DNAH6: variants seen among roughly 807,000 people sequenced by gnomAD.
DNAH6 encodes axonemal beta dynein heavy chain 6.
Under a neutral mutation model 491.4 loss-of-function variants are expected in DNAH6, and 340 were observed. The observed-to-expected ratio is 0.69, with a 90% CI of 0.63 to 0.76. The LOEUF is 0.76. Ranked by LOEUF, DNAH6 falls within the 30% of genes least tolerant of loss-of-function variation. DNAH6 has a pLI of 0.00. For missense variants in DNAH6, 4,443 were observed against 4,972.2 expected, an observed-to-expected ratio of 0.89 and a Z score of 3.20; for synonymous variants, 1,603 against 1,686.1, an observed-to-expected ratio of 0.95 and a Z score of 1.21.
rs959291173 is a variant in DNAH6, at chr2:84,718,231, G to A, written c.9639G>A (p.Arg3213=). The A allele has an allele frequency of 3.9e-6, 6 of 1,540,580 alleles. No individual in the cohort carries two copies. The Admixed American group carries it at 8.3e-5, about 21-fold the overall frequency. The stretch of plus-strand genomic sequence containing the variant: ...ATGTGGTGCGACTTGAAAAACCCAG[G>A]TTGGAAGAACAAAGAATTAAGCTCA... ...LSDVVRLEKP[R]LEEQRIKLIV... Residue 3213 remains arginine, a synonymous_variant, in exon 59 of 77, where the codon AGG becomes AGA. Transcript: ENST00000389394.
At chr2:84,664,834 C>T (rs1168635177) in intron 37 of DNAH6, among the ~76,000 whole-genome samples, 1 of 152,220 alleles carries the variant, frequency 6.6e-6, no homozygotes, top group Admixed American at 6.5e-5. Context: ...CCAAAATTGG[C>T]CACATAGGTG....
chr2:84,802,770 T>G (rs1425021812), intron 70 of DNAH6, among the ~76,000 whole-genome samples: 1 of 152,172 alleles, frequency 6.6e-6, no homozygotes, highest in Admixed American at 6.5e-5. Flanking sequence ...TCTTCTCATC[T>G]GCACACAAAA....
In DNAH6 at chr2:84,640,430, G is replaced by A; in HGVS notation, c.4822G>A (p.Val1608Ile). ...MVPNYALIAE[V>I]ILYSEGFESS... ...CATTGCATTATTTTTTCTATTCTAG[G>A]TAATTCTATATTCTGAAGGATTTGA... Residue 1608 changes from valine to isoleucine, a missense_variant and splice_region_variant, in exon 32 of 77, where the codon GTA (valine) becomes ATA (isoleucine). Transcript: ENST00000389394. 2 of 1,468,904 alleles carry A rather than the reference G, an allele frequency of 1.4e-6. No individual in the cohort carries two copies. The highest frequency in any genetic ancestry group is 1.4e-5 in the African/African-American group (1 of 71,204). 91.0% of individuals were successfully genotyped at this position (1,468,904 alleles called of 1,614,324 possible). A position where few individuals can be genotyped will look rare whatever the true frequency, so the allele number is the denominator to read the frequency against.
chr2:84,735,260 T>G (rs1035616080), intron 62 of DNAH6, among the ~76,000 whole-genome samples: 1 of 152,340 alleles, frequency 6.6e-6, no homozygotes, highest in Non-Finnish European at 1.5e-5. Flanking sequence ...TAGTATTCCA[T>G]GTGTATATAT....
At chr2:84,476,030 C>T in the DNAH6 span, among the ~76,000 whole-genome samples, 2 of 152,154 alleles carry the variant, frequency 1.3e-5, no homozygotes, top group African/African-American at 2.4e-5. Flanking sequence ...TTTTCCCTTA[C>T]CTGAGTTTGA....
intron 23 of DNAH6, 26 bp downstream of exon 23, chr2:84,617,008 AT>A (rs1686917153): frequency 7.8e-7 from 1 of 1,285,176 alleles, no homozygotes; most frequent in South Asian, 1.5e-5. Context: ...AACCTAAGAT[AT>A]TTTTTAGTAG....
the DNAH6 span, among the ~76,000 whole-genome samples, chr2:84,460,567 C>T: frequency 6.6e-6 from 1 of 152,138 alleles, no homozygotes; most frequent in Non-Finnish European, 1.5e-5. Context: ...ATTTGTATTT[C>T]CATGAAGACG....
intron 20 of DNAH6, among the ~76,000 whole-genome samples, chr2:84,605,981 A>G (rs1685718651): frequency 6.6e-6 from 1 of 152,224 alleles, no homozygotes; most frequent in South Asian, 2.1e-4. Flanking sequence ...CCCTGTAAAC[A>G]AGGCAAAGAA....
At chr2:84,526,901 G>A (rs765665308) in intron 3 of DNAH6, among the ~76,000 whole-genome samples, 10 of 152,044 alleles carry the variant, frequency 6.6e-5, no homozygotes, top group African/African-American at 2.2e-4. Flanking sequence ...AGGAGAGAAC[G>A]TGTATAGACA....
intron 64 of DNAH6, among the ~76,000 whole-genome samples, chr2:84,779,574 T>A: frequency 6.6e-6 from 1 of 152,198 alleles, no homozygotes; most frequent in Non-Finnish European, 1.5e-5. Flanking sequence ...GGTTGGGTCT[T>A]ATTTTTTTAT....
chr2:84,742,702 T>C (rs563149534), intron 62 of DNAH6, among the ~76,000 whole-genome samples: 1 of 152,282 alleles, frequency 6.6e-6, no homozygotes, highest in South Asian at 2.1e-4. Flanking sequence ...CCTTTCTTTA[T>C]ATCCTTTATT....
chr2:84,505,293 A>G, the DNAH6 span, among the ~76,000 whole-genome samples: 1 of 152,178 alleles, frequency 6.6e-6, no homozygotes, highest in East Asian at 1.9e-4. Context: ...TGATCTATGA[A>G]TACAGATAGT....
At chr2:84,670,031 A>G (rs193222488) in intron 38 of DNAH6, among the ~76,000 whole-genome samples, 2 of 152,350 alleles carry the variant, frequency 1.3e-5, no homozygotes, top group East Asian at 1.9e-4. Context: ...AAAATATTCT[A>G]AAAGAAATTT....
chr2:84,663,209 G>A (rs776826573), intron 37 of DNAH6, among the ~76,000 whole-genome samples: 1 of 152,302 alleles, frequency 6.6e-6, no homozygotes, highest in Admixed American at 6.5e-5. Context: ...ACAGCTCCTC[G>A]CCAGCAATGG....
intron 24 of DNAH6, among the ~76,000 whole-genome samples, chr2:84,620,954 C>T (rs1687339409): frequency 6.6e-6 from 1 of 152,104 alleles, no homozygotes; most frequent in Non-Finnish European, 1.5e-5. Flanking sequence ...TGGAGAAATC[C>T]ATGCAGTGCA....
intron 44 of DNAH6, among the ~76,000 whole-genome samples, chr2:84,687,614 T>C (rs1327159628): frequency 6.6e-6 from 1 of 152,220 alleles, no homozygotes; most frequent in African/African-American, 2.4e-5. Context: ...TTGATTGTAT[T>C]ATCACATGAG....
chr2:84,488,000 A>G, the DNAH6 span, among the ~76,000 whole-genome samples: 1 of 152,204 alleles, frequency 6.6e-6, no homozygotes, highest in African/African-American at 2.4e-5. Flanking sequence ...TGTCTTGTCA[A>G]CTGACACACT....
At chr2:84,688,401 G>A (rs778182246) in intron 44 of DNAH6, 38 bp from the exon 45 acceptor site, 4 of 1,458,198 alleles carry the variant, frequency 2.7e-6, no homozygotes, top group Non-Finnish European at 3.6e-6. Flanking sequence ...GTGTCTATCA[G>A]AATTGATCCA....
At chr2:84,485,448 A>G in the DNAH6 span, among the ~76,000 whole-genome samples, 70 of 152,224 alleles carry the variant, frequency 4.6e-4, no homozygotes, top group African/African-American at 1.5e-3. Context: ...ATGGAATGAA[A>G]GACCTTATGG....
Sources: allele counts gnomAD v4.1 joint callset (sites outside exome capture counted in the v4.1 genomes callset), GRCh38; gene constraint gnomAD v4.1.1; transcripts MANE v1.5; gene names NCBI Gene and HGNC (gene_info 2026-07-23, HGNC 2026-07-21).